The following SGCZ variants were observed in gnomAD, a reference collection of about 807,000 sequenced individuals.
SGCZ encodes the protein zeta-sarcoglycan.
SGCZ carries 40 observed loss-of-function variants against 41.3 expected under a neutral mutation model. The observed-to-expected ratio is 0.97, with a 90% CI of 0.75 to 1.26. The LOEUF (loss-of-function observed/expected upper bound fraction) is 1.26, where lower values mean the gene tolerates loss of function less well. SGCZ is among the 50% of genes most tolerant of loss of function. The pLI is 0.00. For missense variants in SGCZ, 552 were observed against 369.8 expected (o/e 1.49, Z -4.04); for synonymous variants, 206 against 137.5 (o/e 1.50, Z -3.49).
chr8:14,203,808 A>T (rs1490625191), intron 4 of SGCZ, among the ~76,000 whole-genome samples: 1 of 152,202 alleles, frequency 6.6e-6, no homozygotes, highest in East Asian at 1.9e-4. Context: ...TGAAACATAC[A>T]GTAGGGGCAT....
At chr8:14,839,571 A>G (rs1257617128) in intron 1 of SGCZ, among the ~76,000 whole-genome samples, 1 of 152,146 alleles carries the variant, frequency 6.6e-6, no homozygotes, top group Non-Finnish European at 1.5e-5. Context: ...CATCTACATT[A>G]TGTAGTGCAA....
chr8:14,871,958 G>C (rs1404458223), intron 1 of SGCZ, among the ~76,000 whole-genome samples: 1 of 150,038 alleles, frequency 6.7e-6, no homozygotes, highest in Non-Finnish European at 1.5e-5. Context: ...ATATATATAG[G>C]ACATATACAC....
At chr8:14,766,113 C>T (rs1800026650) in intron 1 of SGCZ, among the ~76,000 whole-genome samples, 1 of 151,840 alleles carries the variant, frequency 6.6e-6, no homozygotes, top group African/African-American at 2.4e-5. Context: ...CAGGTATGTG[C>T]CACCACACCC....
At chr8:14,693,134 T>C (rs1013515080) in intron 1 of SGCZ, among the ~76,000 whole-genome samples, 3 of 152,212 alleles carry the variant, frequency 2.0e-5, no homozygotes, top group Admixed American at 6.5e-5. Flanking sequence ...TTAAGTAAAT[T>C]GTTAGATCTA....
intron 2 of SGCZ, among the ~76,000 whole-genome samples, chr8:14,368,258 CAT>C (rs1354298372): frequency 6.6e-6 from 1 of 151,858 alleles, no homozygotes; most frequent in African/African-American, 2.4e-5. Flanking sequence ...TGTTATAATT[CAT>C]ATGTTCTAAC....
chr8:14,218,362 A>G (rs1470718048), intron 4 of SGCZ, among the ~76,000 whole-genome samples: 3 of 152,198 alleles, frequency 2.0e-5, no homozygotes, highest in Non-Finnish European at 2.9e-5. Flanking sequence ...CTAGGAAGAA[A>G]ATTAATGAAA....
chr8:14,271,342 TTTTG>T (rs1800052045), intron 3 of SGCZ, among the ~76,000 whole-genome samples: 1 of 152,220 alleles, frequency 6.6e-6, no homozygotes, highest in Admixed American at 6.5e-5. Flanking sequence ...ATGAGAATCA[TTTTG>T]TTTTTGATTG....
chr8:14,392,846 G>C (rs968041044), intron 2 of SGCZ, among the ~76,000 whole-genome samples: 3 of 152,052 alleles, frequency 2.0e-5, no homozygotes, highest in Non-Finnish European at 4.4e-5. Context: ...TTGCACATGA[G>C]CTGTAGTTTG....
intron 7 of SGCZ, among the ~76,000 whole-genome samples, chr8:14,094,188 A>C (rs1017042377): frequency 1.3e-5 from 2 of 152,074 alleles, no homozygotes; most frequent in Admixed American, 6.6e-5. Flanking sequence ...ATGTGTGCAG[A>C]ATATGCAGGT....
intron 1 of SGCZ, among the ~76,000 whole-genome samples, chr8:14,997,116 A>G (rs1168232113): frequency 4.6e-5 from 7 of 152,020 alleles, no homozygotes; most frequent in Non-Finnish European, 8.8e-5. Context: ...CTAAGCATTT[A>G]CTCCACGATT....
chr8:14,590,620 C>T (rs1805209504), intron 1 of SGCZ, among the ~76,000 whole-genome samples: 1 of 149,986 alleles, frequency 6.7e-6, no homozygotes, highest in Non-Finnish European at 1.5e-5. Context: ...AACAATGAAA[C>T]AACAAATGGC....
intron 2 of SGCZ, among the ~76,000 whole-genome samples, chr8:14,369,923 C>CA (rs1436660109): frequency 6.6e-6 from 1 of 151,930 alleles, no homozygotes; most frequent in Non-Finnish European, 1.5e-5. Flanking sequence ...TCTATTTCTA[C>CA]AGGCTAATGA....
intron 4 of SGCZ, among the ~76,000 whole-genome samples, chr8:14,233,695 G>C (rs1465626588): frequency 1.3e-5 from 2 of 150,192 alleles, no homozygotes; most frequent in Non-Finnish European, 3.0e-5. Context: ...TTTTTTGATA[G>C]AAAGTCATGG....
intron 1 of SGCZ, among the ~76,000 whole-genome samples, chr8:15,034,142 T>C (rs947395335): frequency 7.9e-5 from 12 of 152,040 alleles, no homozygotes; most frequent in African/African-American, 2.9e-4. Flanking sequence ...CCCCAAACAG[T>C]CTGACAAAGA....
At chr8:14,612,145 G>C (rs1208648978) in intron 1 of SGCZ, among the ~76,000 whole-genome samples, 1 of 151,954 alleles carries the variant, frequency 6.6e-6, no homozygotes, top group Non-Finnish European at 1.5e-5. Flanking sequence ...TCCTATTATG[G>C]GAAAAGGTGT....
chr8:15,215,587 T>C (rs1389810884), intron 1 of SGCZ, among the ~76,000 whole-genome samples: 1 of 152,118 alleles, frequency 6.6e-6, no homozygotes, highest in African/African-American at 2.4e-5. Flanking sequence ...GTAAGACATT[T>C]TTTAGGTTGC....
At chr8:14,800,740 G>T (rs998126921) in intron 1 of SGCZ, among the ~76,000 whole-genome samples, 26 of 152,168 alleles carry the variant, frequency 1.7e-4, no homozygotes, top group African/African-American at 6.3e-4. Context: ...ATATGGAGGA[G>T]TGAGTCAATT....
At chr8:15,198,081 G>T (rs1800787437) in intron 1 of SGCZ, among the ~76,000 whole-genome samples, 1 of 148,482 alleles carries the variant, frequency 6.7e-6, no homozygotes, top group Non-Finnish European at 1.5e-5. Context: ...ATGGCAATTT[G>T]ATATGTATTA....
intron 1 of SGCZ, among the ~76,000 whole-genome samples, chr8:14,615,961 T>G (rs1806086537): frequency 6.6e-6 from 1 of 152,154 alleles, no homozygotes; most frequent in African/African-American, 2.4e-5. Context: ...ATGGATTAAG[T>G]AACTCACTAA....
Sources: allele counts gnomAD v4.1 joint callset (sites outside exome capture counted in the v4.1 genomes callset), GRCh38; gene constraint gnomAD v4.1.1; transcripts MANE v1.5; gene names NCBI Gene and HGNC (gene_info 2026-07-23, HGNC 2026-07-21).